Variants in PATL1 observed in about 807,000 individuals in gnomAD.
The protein encoded by PATL1 is PAT1 homolog 1, processing body mRNA decay factor.
PATL1 carries 32 observed loss-of-function variants against 100.6 expected under a neutral mutation model. The observed-to-expected ratio is 0.32, with a 90% CI of 0.24 to 0.43. The LOEUF is 0.43. PATL1 is among the 20% of genes least tolerant of loss of function. PATL1 has a pLI of 1.00. For synonymous variants in PATL1, 332 were observed against 330.0 expected (o/e 1.01, Z -0.07); for missense variants, 747 against 949.9 (o/e 0.79, Z 2.81).
At chr11:59,666,144 C>T (rs1013059437) in intron 2 of PATL1, among the ~76,000 whole-genome samples, 3 of 151,652 alleles carry the variant, frequency 2.0e-5, no homozygotes, top group African/African-American at 7.3e-5. Flanking sequence ...TACTCGGGAG[C>T]CTGAGGCAGG....
chr11:59,649,948 C>T (rs1007594105), intron 13 of PATL1, among the ~76,000 whole-genome samples: 26 of 151,862 alleles, frequency 1.7e-4, no homozygotes, highest in Admixed American at 9.8e-4. Context: ...ATGGAGAAAT[C>T]CCATCTCTAC....
chr11:59,648,545 A>T (rs1308978136), intron 14 of PATL1, among the ~76,000 whole-genome samples: 1 of 151,976 alleles, frequency 6.6e-6, no homozygotes, highest in Admixed American at 6.6e-5. Context: ...AAGAAAATAA[A>T]AACATTCGTC....
chr11:59,655,712 T>G lies in PATL1; in HGVS notation c.842A>C (p.Gln281Pro). Residue 281 changes from glutamine to proline, a missense_variant, in exon 8 of 19, where the codon CAG becomes CCG. Physicochemically the swap from Gln to Pro is moderately conservative, Grantham distance 76. Coordinates refer to ENST00000300146, the MANE Select transcript of PATL1 (RefSeq NM_152716.3). ...AACAAATCCAGGGACCCGTGCAAACTGGCTGGGAGACATCCGTCCAGGCTG... is the reference window on the plus strand; with the variant it reads ...AACAAATCCAGGGACCCGTGCAAACGGGCTGGGAGACATCCGTCCAGGCTG... ...QLQPGRMSPS[Q>P]FARVPGFVGS... 1.9e-6 allele frequency: 3 copies of G among 1,600,122 alleles called. No individual in the cohort carries two copies. The highest frequency in any genetic ancestry group is 2.6e-6 in the Non-Finnish European group (3 of 1,173,262).
chr11:59,649,852 T>C (rs1861416904), intron 13 of PATL1, among the ~76,000 whole-genome samples: 1 of 152,128 alleles, frequency 6.6e-6, no homozygotes, highest in Non-Finnish European at 1.5e-5. Context: ...CTAGACGCGG[T>C]GGCTCACGCC....
chr11:59,651,659 A>G lies in PATL1; in HGVS notation c.1427-18T>C. 1.3e-6 allele frequency: 2 copies of G among 1,539,128 alleles called. No homozygotes were observed. The highest frequency in any genetic ancestry group is 1.2e-5 in the South Asian group (1 of 85,628). On this transcript the variant is annotated intron_variant, in intron 11 of 18. Coordinates refer to ENST00000300146, the MANE Select transcript of PATL1 (RefSeq NM_152716.3). ...AAATTGCACTGCAAAGACAAAAAAAAAAAAAATTCCAACAAAATAAAAAGT... is the reference window on the plus strand; with the variant it reads ...AAATTGCACTGCAAAGACAAAAAAAGAAAAAATTCCAACAAAATAAAAAGT...
intron 2 of PATL1, among the ~76,000 whole-genome samples, chr11:59,666,361 C>G (rs527904110): frequency 6.6e-6 from 1 of 152,264 alleles, no homozygotes; most frequent in African/African-American, 2.4e-5. Context: ...AAAATTCTTG[C>G]TATAAAAAGC....
chr11:59,647,830 G>A lies in PATL1; in HGVS notation c.1817C>T (p.Thr606Ile). ...MVARILPFLS[T>I]EQAADILMTT... ...CATGAGAATGTCAGCTGCTTGCTCT[G>A]TGGAGAGGAAAGGAAGAATACGGGC... Residue 606 changes from threonine (T) to isoleucine (I), a missense_variant, in exon 15 of 19, where the codon ACA (threonine) becomes ATA (isoleucine). This residue lies in a region of PATL1 where 434 missense variants were observed against 596.1 expected (regional missense o/e 0.73). Coordinates refer to ENST00000300146, the MANE Select transcript of PATL1 (RefSeq NM_152716.3). 1.2e-6 allele frequency: 2 copies of A among 1,613,890 alleles called. No individual in the cohort carries two copies. Among genetic ancestry groups the A allele is most frequent in the Non-Finnish European group, 1.7e-6 (2 of 1,179,832 alleles).
chr11:59,642,169 T>C (rs1299734330), intron 16 of PATL1, among the ~76,000 whole-genome samples: 4 of 152,314 alleles, frequency 2.6e-5, no homozygotes, highest in East Asian at 1.9e-4. Flanking sequence ...AGCTAGACAG[T>C]AGCAGGGAAG....
rs576266826 is a variant in PATL1 at position 59,643,000 on chromosome 11, A to T, written c.1929T>A (p.Leu643=). ...TACTCACTGATGGAAGATGATAGAG[A>T]AGGAGAGAGAAGGGACTCAGTAAGC... ...LPCLLSPFSL[L]LYHLPSVSIT... Residue 643 remains leucine, a synonymous_variant, in exon 16 of 19, where the codon CTT becomes CTA. Transcript: ENST00000300146. 1 of 1,613,976 alleles carries T rather than the reference A, an allele frequency of 6.2e-7. No homozygotes were observed. The highest frequency in any genetic ancestry group is 1.1e-5 in the South Asian group (1 of 91,078).
At chr11:59,651,817 C>G (rs1861447520) in intron 11 of PATL1, among the ~76,000 whole-genome samples, 176 bp from the exon 12 acceptor site, 1 of 151,960 alleles carries the variant, frequency 6.6e-6, no homozygotes, top group African/African-American at 2.4e-5. Flanking sequence ...GTTATCTCAG[C>G]ACTTTGGGAG....
At chr11:59,667,084 A>G (rs1334256814) in intron 1 of PATL1, 120 bp from the exon 2 acceptor site, 1 of 1,416,908 alleles carries the variant, frequency 7.1e-7, no homozygotes, top group Non-Finnish European at 9.2e-7. Flanking sequence ...GACTTTTTGT[A>G]AAGATGGCAT....
intron 2 of PATL1, among the ~76,000 whole-genome samples, chr11:59,664,355 A>G (rs1861661421): frequency 6.6e-6 from 1 of 152,234 alleles, no homozygotes. Flanking sequence ...CTGGAAGTCA[A>G]TGAGAAGGTA....
chr11:59,659,231 A>C (rs759553936), intron 3 of PATL1, 21 bp downstream of exon 3: 1 of 1,547,162 alleles, frequency 6.5e-7, no homozygotes, highest in Non-Finnish European at 8.7e-7. Context: ...TATAGTTCTC[A>C]AATCACAGTA....
intron 14 of PATL1, among the ~76,000 whole-genome samples, chr11:59,648,993 G>C (rs911049831): frequency 5.3e-5 from 8 of 152,194 alleles, no homozygotes; most frequent in African/African-American, 9.6e-5. Flanking sequence ...GCAGATAATG[G>C]GGTAGGTGAG....
intron 15 of PATL1, among the ~76,000 whole-genome samples, chr11:59,647,223 A>C (rs1028389755): frequency 1.8e-3 from 156 of 88,236 alleles, no homozygotes; most frequent in Non-Finnish European, 2.4e-3. Context: ...ACTCTGTCTC[A>C]AAAAAAAAAA....
intron 15 of PATL1, among the ~76,000 whole-genome samples, chr11:59,646,490 C>G (rs1227935317): frequency 6.6e-6 from 1 of 152,102 alleles, no homozygotes; most frequent in Non-Finnish European, 1.5e-5. Context: ...CCAGCCAAAT[C>G]TTTTAAATAT....
intron 8 of PATL1, among the ~76,000 whole-genome samples, chr11:59,654,990 C>G (rs557828324): frequency 6.6e-6 from 1 of 152,316 alleles, no homozygotes; most frequent in East Asian, 1.9e-4. Context: ...TGCTGACCTG[C>G]TATACTTATT....
intron 15 of PATL1, among the ~76,000 whole-genome samples, chr11:59,644,166 C>T (rs1861328251): frequency 6.6e-6 from 1 of 152,114 alleles, no homozygotes; most frequent in African/African-American, 2.4e-5. Context: ...ATGTACTCAC[C>T]ACCCAATTTC....
intron 4 of PATL1, 42 bp from the exon 5 acceptor site, chr11:59,657,766 T>C (rs1861557048): frequency 6.8e-7 from 1 of 1,465,228 alleles, no homozygotes; most frequent in South Asian, 1.4e-5. Flanking sequence ...ATTAACTAAC[T>C]TGGTATGTTT....
Sources: allele counts gnomAD v4.1 joint callset (sites outside exome capture counted in the v4.1 genomes callset), GRCh38; gene constraint gnomAD v4.1.1; regional missense constraint gnomAD v4.1.1; transcripts MANE v1.5; gene names NCBI Gene and HGNC (gene_info 2026-07-23, HGNC 2026-07-21).